Variants in TRPM3 observed in about 807,000 individuals in gnomAD.
TRPM3 encodes transient receptor potential cation channel subfamily M member 3.
TRPM3 carries 77 observed loss-of-function variants against 181.2 expected under a neutral mutation model. That is an observed-to-expected ratio of 0.42 (90% confidence interval 0.35 to 0.51). The LOEUF is 0.51. Ranked by LOEUF, TRPM3 falls within the 20% of genes least tolerant of loss-of-function variation. The pLI, the probability that TRPM3 is intolerant of heterozygous loss-of-function variation, is 0.01. For missense variants in TRPM3, 1,759 were observed against 2,196.7 expected (o/e 0.80, Z 3.98); for synonymous variants, 745 against 796.4 (o/e 0.94, Z 1.09).
intron 1 of TRPM3, among the ~76,000 whole-genome samples, chr9:71,440,597 C>A (rs1214169766): frequency 6.6e-6 from 1 of 152,220 alleles, no homozygotes; most frequent in Non-Finnish European, 1.5e-5. Flanking sequence ...TTAACCTTTG[C>A]TCCAATGTAC....
At chr9:70,993,331 G>T (rs2097506904) in intron 1 of TRPM3, among the ~76,000 whole-genome samples, 1 of 152,148 alleles carries the variant, frequency 6.6e-6, no homozygotes. Context: ...TTACATTAGG[G>T]TCATGGTAGT....
chr9:71,254,987 C>T (rs2082584893), intron 1 of TRPM3, among the ~76,000 whole-genome samples: 2 of 152,206 alleles, frequency 1.3e-5, no homozygotes, highest in South Asian at 4.1e-4. Context: ...AGCAAAGCCA[C>T]ATCCAGTTTT....
chr9:70,966,013 C>T (rs901738036), intron 1 of TRPM3, among the ~76,000 whole-genome samples: 3 of 147,364 alleles, frequency 2.0e-5, no homozygotes, highest in Admixed American at 6.8e-5. Context: ...TAATATCCAG[C>T]ATCTAAAAAA....
At chr9:71,238,411 G>A (rs1374860459) in intron 1 of TRPM3, among the ~76,000 whole-genome samples, 1 of 152,138 alleles carries the variant, frequency 6.6e-6, no homozygotes, top group Non-Finnish European at 1.5e-5. Flanking sequence ...TCAGAGTGGA[G>A]CCAGGCTATG....
Position 70,536,328 on chromosome 9 carries a change from A to G in TRPM3, c.4785T>C (p.His1595=). The change falls in exon 26 of 26, where the codon CAT becomes CAC. Residue 1595 remains histidine (H), a synonymous_variant. Transcript: ENST00000677713. ...GACTCAGTTCTGCTTCTCGCTCTGG[A>G]TGGCAGCAAGTTAAGTCCTCCACTT... ...GDKVEDLTCC[H]PEREAELSHP... is the part of the protein sequence containing the mutation. 3 of 1,614,034 alleles carry G rather than the reference A, an allele frequency of 1.9e-6. No individual in the cohort carries two copies. The highest frequency in any genetic ancestry group is 2.5e-6 in the Non-Finnish European group (3 of 1,180,020).
At chr9:70,585,773 C>T (rs13292647) in intron 22 of TRPM3, among the ~76,000 whole-genome samples, 2 of 152,292 alleles carry the variant, frequency 1.3e-5, no homozygotes, top group Admixed American at 1.3e-4. Context: ...CCTCTCACCT[C>T]TCACTTCCCA....
intron 9 of TRPM3, among the ~76,000 whole-genome samples, chr9:70,679,434 G>A (rs1248501749): frequency 6.6e-6 from 1 of 152,228 alleles, no homozygotes; most frequent in Admixed American, 6.5e-5. Flanking sequence ...GAGGAAGAAA[G>A]TATTTTCAGT....
intron 1 of TRPM3, among the ~76,000 whole-genome samples, chr9:71,245,276 C>T (rs1238134876): frequency 2.0e-5 from 3 of 151,972 alleles, no homozygotes; most frequent in African/African-American, 7.2e-5. Context: ...AACCCCATCT[C>T]TACTAGAAAT....
chr9:70,902,095 C>T (rs1373481034), intron 1 of TRPM3, among the ~76,000 whole-genome samples: 3 of 152,202 alleles, frequency 2.0e-5, no homozygotes, highest in African/African-American at 4.8e-5. Flanking sequence ...GTCAGTAACA[C>T]ACAGAAATTT....
intron 1 of TRPM3, among the ~76,000 whole-genome samples, chr9:71,401,197 C>CAA (rs59425467): frequency 0.07 from 7,364 of 105,154 alleles, 403 homozygotes; most frequent in African/African-American, 0.093. Context: ...GACACCATCG[C>CAA]AAAAAAAAAA....
intron 1 of TRPM3, chr9:70,917,639 G>A: frequency 2.4e-6 from 1 of 418,700 alleles, no homozygotes; most frequent in Non-Finnish European, 4.4e-6. Context: ...CCAAAACAGA[G>A]TAAATACACA....
chr9:70,794,480 T>C (rs1185386714), intron 6 of TRPM3, among the ~76,000 whole-genome samples: 3 of 152,110 alleles, frequency 2.0e-5, no homozygotes, highest in East Asian at 1.9e-4. Flanking sequence ...ACTTGCTTGA[T>C]TGCAGTGGGC....
intron 1 of TRPM3, among the ~76,000 whole-genome samples, chr9:70,900,240 C>T (rs2096364502): frequency 6.6e-6 from 1 of 152,110 alleles, no homozygotes; most frequent in South Asian, 2.1e-4. Context: ...ACTCGGAAGG[C>T]TGAGGCAGGA....
chr9:70,873,966 G>A (rs957284379), intron 1 of TRPM3, among the ~76,000 whole-genome samples: 3 of 151,792 alleles, frequency 2.0e-5, no homozygotes, highest in Non-Finnish European at 2.9e-5. Context: ...CTCTTTGTGG[G>A]CTGAAGTTAT....
intron 1 of TRPM3, among the ~76,000 whole-genome samples, chr9:71,001,505 C>G (rs1295377804): frequency 1.3e-5 from 2 of 152,204 alleles, no homozygotes; most frequent in Non-Finnish European, 2.9e-5. Context: ...GATCCAAATG[C>G]ATTCTGCACA....
chr9:70,871,050 G>A (rs1386038191), intron 1 of TRPM3, among the ~76,000 whole-genome samples: 3 of 151,804 alleles, frequency 2.0e-5, no homozygotes, highest in African/African-American at 7.3e-5. Context: ...AAAGATAGAG[G>A]GATCAGTGGG....
chr9:71,357,075 C>G (rs974966014), intron 1 of TRPM3, among the ~76,000 whole-genome samples: 4 of 152,128 alleles, frequency 2.6e-5, no homozygotes, highest in African/African-American at 9.7e-5. Flanking sequence ...TATGTATAAA[C>G]AGAGAGCCCA....
intron 1 of TRPM3, among the ~76,000 whole-genome samples, chr9:71,321,226 CTAAA>C (rs1242372693): frequency 6.6e-6 from 1 of 152,176 alleles, no homozygotes; most frequent in Non-Finnish European, 1.5e-5. Flanking sequence ...ATTCTTCCTA[CTAAA>C]TAGCTTTTAA....
At chr9:71,152,177 G>C (rs963607708) in intron 1 of TRPM3, among the ~76,000 whole-genome samples, 1 of 152,098 alleles carries the variant, frequency 6.6e-6, no homozygotes, top group African/African-American at 2.4e-5. Context: ...AACTTGCTCT[G>C]TAATAAACTG....
Sources: allele counts gnomAD v4.1 joint callset (sites outside exome capture counted in the v4.1 genomes callset), GRCh38; gene constraint gnomAD v4.1.1; transcripts MANE v1.5; gene names NCBI Gene and HGNC (gene_info 2026-07-23, HGNC 2026-07-21).